The following C12orf42 variants were observed in gnomAD, a reference collection of about 807,000 sequenced individuals.
C12orf42 encodes the protein chromosome 12 open reading frame 42, also known as uncharacterized protein C12orf42.
Under a neutral mutation model 21.6 loss-of-function variants are expected in C12orf42, and 25 were observed. The ratio of observed to expected loss-of-function variants is 1.16; its 90% CI spans 0.84 to 1.62. The LOEUF is 1.62. C12orf42 is among the 40% of genes most tolerant of loss of function. The pLI, the probability that C12orf42 is intolerant of heterozygous loss-of-function variation, is 0.00. For missense variants in C12orf42, 483 were observed against 459.3 expected, an observed-to-expected ratio of 1.05 and a Z score of -0.47; for synonymous variants, 174 against 175.0, an observed-to-expected ratio of 0.99 and a Z score of 0.05.
chr12:103,507,246 A>AT, the C12orf42 span, among the ~76,000 whole-genome samples: 5 of 62,438 alleles, frequency 8.0e-5, no homozygotes, highest in African/African-American at 4.6e-4. Flanking sequence ...TATATTATAT[A>AT]TAATATATAA....
At chr12:103,226,104 G>A in the C12orf42 span, among the ~76,000 whole-genome samples, 3 of 152,196 alleles carry the variant, frequency 2.0e-5, no homozygotes, top group Non-Finnish European at 2.9e-5. Context: ...CAGGCTGCGG[G>A]CATTCCTTGG....
At chr12:103,434,587 G>A (rs1048961551) in intron 2 of C12orf42, among the ~76,000 whole-genome samples, 1 of 152,198 alleles carries the variant, frequency 6.6e-6, no homozygotes, top group Non-Finnish European at 1.5e-5. Flanking sequence ...TGCCTCACCT[G>A]GGAAGCACAA....
the C12orf42 span, among the ~76,000 whole-genome samples, chr12:103,158,230 G>A: frequency 6.6e-6 from 1 of 152,166 alleles, no homozygotes; most frequent in African/African-American, 2.4e-5. Flanking sequence ...GAGGCTCAGA[G>A]ACTTTATTTA....
the C12orf42 span, among the ~76,000 whole-genome samples, chr12:103,109,336 T>G: frequency 6.6e-6 from 1 of 151,982 alleles, no homozygotes; most frequent in Non-Finnish European, 1.5e-5. Flanking sequence ...TGTGAACCCA[T>G]TTACACACAC....
At chr12:103,155,998 T>C in the C12orf42 span, 1 of 151,902 alleles carries the variant, frequency 6.6e-6, no homozygotes, top group African/African-American at 2.4e-5. Flanking sequence ...ATTATGAACA[T>C]TTGTTAATAT....
the C12orf42 span, among the ~76,000 whole-genome samples, chr12:103,510,916 A>C: frequency 6.6e-6 from 1 of 152,216 alleles, no homozygotes; most frequent in Non-Finnish European, 1.5e-5. Context: ...TCATCTACTA[A>C]GAGACTGCAC....
chr12:103,340,994 T>G (rs893489107), intron 4 of C12orf42, among the ~76,000 whole-genome samples: 2 of 151,020 alleles, frequency 1.3e-5, no homozygotes, highest in African/African-American at 4.9e-5. Context: ...GTACCTGTAG[T>G]CCCAGCTACT....
chr12:103,209,231 T>G, the C12orf42 span, among the ~76,000 whole-genome samples: 2 of 152,188 alleles, frequency 1.3e-5, no homozygotes, highest in African/African-American at 4.8e-5. Flanking sequence ...TTAAATAATG[T>G]GTAATGAGGC....
At chr12:103,100,909 C>T in the C12orf42 span, among the ~76,000 whole-genome samples, 1 of 152,116 alleles carries the variant, frequency 6.6e-6, no homozygotes, top group Non-Finnish European at 1.5e-5. Flanking sequence ...GAGTACCTCC[C>T]AAGATAGTGG....
chr12:103,127,665 A>C, the C12orf42 span, among the ~76,000 whole-genome samples: 6 of 152,298 alleles, frequency 3.9e-5, no homozygotes, highest in Admixed American at 1.3e-4. Context: ...GGGTGGTAAT[A>C]ACAGCATCTA....
intron 4 of C12orf42, among the ~76,000 whole-genome samples, chr12:103,290,893 G>C (rs187880116): frequency 1.9e-3 from 288 of 152,122 alleles, no homozygotes; most frequent in African/African-American, 6.4e-3. Flanking sequence ...GGGTGGGAGG[G>C]GGGTGAGGGA....
At chr12:103,527,241 G>C in the C12orf42 span, among the ~76,000 whole-genome samples, 1 of 152,136 alleles carries the variant, frequency 6.6e-6, no homozygotes, top group Non-Finnish European at 1.5e-5. Flanking sequence ...CTGTGCTTGA[G>C]AGCTGGATCT....
intron 1 of C12orf42, among the ~76,000 whole-genome samples, chr12:103,480,398 T>C (rs1362440971): frequency 6.6e-6 from 1 of 151,702 alleles, no homozygotes; most frequent in Non-Finnish European, 1.5e-5. Flanking sequence ...AACTTTTATA[T>C]TTGTGGATTC....
chr12:103,134,092 T>C, the C12orf42 span, among the ~76,000 whole-genome samples: 2 of 152,180 alleles, frequency 1.3e-5, no homozygotes, highest in African/African-American at 4.8e-5. Context: ...ATATCATAGA[T>C]ACCTCTTCAG....
chr12:103,063,534 A>G, the C12orf42 span, among the ~76,000 whole-genome samples: 1 of 152,202 alleles, frequency 6.6e-6, no homozygotes, highest in Non-Finnish European at 1.5e-5. Context: ...TAGTGACAAC[A>G]TCCCCTCCCT....
chr12:103,521,367 C>A, the C12orf42 span, among the ~76,000 whole-genome samples: 1 of 152,172 alleles, frequency 6.6e-6, no homozygotes, highest in South Asian at 2.1e-4. Context: ...AAAGCGAGAT[C>A]ATGTCCTTTG....
At chr12:103,502,801 A>G in the C12orf42 span, among the ~76,000 whole-genome samples, 1 of 152,160 alleles carries the variant, frequency 6.6e-6, no homozygotes, top group Non-Finnish European at 1.5e-5. Context: ...CTGATATGCA[A>G]CCAATTTAGG....
chr12:103,440,250 G>T (rs1277088984), intron 2 of C12orf42, among the ~76,000 whole-genome samples: 7 of 125,724 alleles, frequency 5.6e-5, no homozygotes, highest in Admixed American at 5.3e-4. Flanking sequence ...ACACGCTGGG[G>T]ACTGTGGTGG....
the C12orf42 span, among the ~76,000 whole-genome samples, chr12:103,121,057 A>T: frequency 6.6e-6 from 1 of 152,190 alleles, no homozygotes; most frequent in African/African-American, 2.4e-5. Context: ...TTAAAGTGAT[A>T]GAAATGTAGA....
Sources: gnomAD v4.1 joint callset for allele counts (sites outside exome capture counted in the v4.1 genomes callset) on GRCh38, gnomAD v4.1.1 for gene constraint, MANE v1.5 for transcripts, NCBI Gene and HGNC (gene_info 2026-07-23, HGNC 2026-07-21) for gene names.